The following FBXL17 variants were observed in gnomAD, a reference collection of about 807,000 sequenced individuals.
FBXL17 encodes F-box/LRR-repeat protein 17.
FBXL17 carries 22 observed loss-of-function variants against 66.2 expected under a neutral mutation model. The ratio of observed to expected loss-of-function variants is 0.33; its 90% CI spans 0.24 to 0.47. FBXL17 has a LOEUF of 0.47. Among genes scored for constraint, FBXL17 ranks in the 20% least tolerant of loss-of-function variants. The pLI is 1.00. For synonymous variants in FBXL17, 474 were observed against 400.5 expected, an observed-to-expected ratio of 1.18 and a Z score of -2.19; for missense variants, 878 against 948.2, an observed-to-expected ratio of 0.93 and a Z score of 0.97.
chr5:107,913,743 G>A (rs774090336), intron 7 of FBXL17, among the ~76,000 whole-genome samples: 13 of 152,100 alleles, frequency 8.5e-5, no homozygotes, highest in Non-Finnish European at 1.8e-4. Context: ...TCAACAATAT[G>A]AAAGAGATGC....
intron 4 of FBXL17, among the ~76,000 whole-genome samples, chr5:108,308,079 AC>A (rs1758938838): frequency 6.6e-6 from 1 of 152,094 alleles, no homozygotes; most frequent in African/African-American, 2.4e-5. Flanking sequence ...TAGAAACACG[AC>A]CTTGTCCCCA....
chr5:107,980,811 C>T (rs1206976532), intron 7 of FBXL17, among the ~76,000 whole-genome samples: 1 of 149,522 alleles, frequency 6.7e-6, no homozygotes, highest in Non-Finnish European at 1.5e-5. Context: ...CACCCACCAC[C>T]ACGCCTGGCT....
intron 4 of FBXL17, among the ~76,000 whole-genome samples, chr5:108,272,013 G>A (rs1016170541): frequency 3.3e-5 from 5 of 152,156 alleles, no homozygotes; most frequent in Non-Finnish European, 5.9e-5. Context: ...ACCAACGGCC[G>A]GGTGCAGTGG....
At chr5:107,902,907 T>G (rs965881269) in intron 7 of FBXL17, among the ~76,000 whole-genome samples, 16 of 152,152 alleles carry the variant, frequency 1.1e-4, no homozygotes, top group African/African-American at 3.4e-4. Context: ...GAAATTTTAC[T>G]GTAGTTTGTA....
chr5:108,326,084 T>C (rs1759834415), intron 4 of FBXL17, among the ~76,000 whole-genome samples: 1 of 152,148 alleles, frequency 6.6e-6, no homozygotes, highest in African/African-American at 2.4e-5. Context: ...CAACTGATAC[T>C]ATCAGAAGAT....
chr5:108,058,060 A>AT (rs1372416173), intron 6 of FBXL17, among the ~76,000 whole-genome samples: 1 of 152,224 alleles, frequency 6.6e-6, no homozygotes, highest in Non-Finnish European at 1.5e-5. Context: ...AAGTTACTAG[A>AT]TTCCTAATTC....
chr5:108,260,728 C>A (rs1756779896), intron 4 of FBXL17, among the ~76,000 whole-genome samples: 1 of 152,074 alleles, frequency 6.6e-6, no homozygotes, highest in Non-Finnish European at 1.5e-5. Flanking sequence ...AACTTTAAGC[C>A]AGAGGAGCAG....
chr5:107,914,758 A>G (rs1024879477), intron 7 of FBXL17, among the ~76,000 whole-genome samples: 6 of 152,204 alleles, frequency 3.9e-5, no homozygotes, highest in Admixed American at 6.6e-5. Flanking sequence ...ACCATAAGGA[A>G]AGTCTGCCTG....
At chr5:107,959,973 T>C (rs1751827825) in intron 7 of FBXL17, among the ~76,000 whole-genome samples, 1 of 152,216 alleles carries the variant, frequency 6.6e-6, no homozygotes, top group South Asian at 2.1e-4. Context: ...ATCTACGTAC[T>C]TTCCTTCCCA....
chr5:108,033,645 C>T (rs568652658), intron 6 of FBXL17, among the ~76,000 whole-genome samples: 23 of 152,258 alleles, frequency 1.5e-4, no homozygotes, highest in African/African-American at 4.1e-4. Context: ...GTAGTACACA[C>T]GTAGTAGGTG....
chr5:108,335,255 T>C (rs1196156805), intron 4 of FBXL17, among the ~76,000 whole-genome samples: 1 of 119,896 alleles, frequency 8.3e-6, no homozygotes, highest in Admixed American at 1.1e-4. Flanking sequence ...CAACAATATA[T>C]GGCTCATTAT....
At chr5:107,910,142 G>A (rs1009170486) in intron 7 of FBXL17, among the ~76,000 whole-genome samples, 11 of 149,582 alleles carry the variant, frequency 7.4e-5, no homozygotes, top group African/African-American at 2.7e-4. Flanking sequence ...GTTATCTGGG[G>A]TGGGTAAAGG....
chr5:107,910,116 G>A (rs1042565288), intron 7 of FBXL17, among the ~76,000 whole-genome samples: 1 of 151,776 alleles, frequency 6.6e-6, no homozygotes, highest in Non-Finnish European at 1.5e-5. Context: ...TGTGGGATGG[G>A]GGTTTGGGGA....
chr5:108,287,326 G>C (rs1276646464), intron 4 of FBXL17, among the ~76,000 whole-genome samples: 1 of 151,978 alleles, frequency 6.6e-6, no homozygotes, highest in South Asian at 2.1e-4. Flanking sequence ...AGAGTAAACA[G>C]ACAGTCTACA....
chr5:108,329,819 A>G (rs1760034877), intron 4 of FBXL17, among the ~76,000 whole-genome samples: 1 of 152,156 alleles, frequency 6.6e-6, no homozygotes, highest in Admixed American at 6.5e-5. Context: ...AAAACACAGT[A>G]TACAATATAT....
At chr5:107,991,603 T>C (rs1278558275) in intron 7 of FBXL17, among the ~76,000 whole-genome samples, 1 of 152,242 alleles carries the variant, frequency 6.6e-6, no homozygotes, top group Non-Finnish European at 1.5e-5. Context: ...TGCAAGTTAC[T>C]GTGTTCTTGC....
At chr5:108,313,412 T>C (rs17386875) in intron 4 of FBXL17, among the ~76,000 whole-genome samples, 30,841 of 152,038 alleles carry the variant, frequency 0.2, 3,798 homozygotes, top group Non-Finnish European at 0.27. Flanking sequence ...TAATTTCATC[T>C]CTACCTTCTG....
rs1757886856 is a variant in FBXL17, at chr5:108,286,048, T to G, written c.1507-61820A>C. On this transcript the variant is annotated intron_variant, in intron 4 of 8. Transcript: ENST00000542267. ...GCAACTGAAAACAAAAAACACATGA[T>G]TATCTCAATACATGCAGAAAAGGCT... is the stretch of plus-strand genomic sequence containing the variant. Among the ~76,000 whole-genome samples, 2 of 152,040 alleles carry G rather than the reference T, an allele frequency of 1.3e-5. 1 individual carries two copies. Among genetic ancestry groups the G allele is most frequent in the South Asian group, 4.1e-4 (2 of 4,826 alleles).
At chr5:108,194,856 C>T (rs991659730) in intron 5 of FBXL17, among the ~76,000 whole-genome samples, 20 of 152,120 alleles carry the variant, frequency 1.3e-4, no homozygotes, top group Non-Finnish European at 2.8e-4. Flanking sequence ...TGGAACAGGG[C>T]GAGCCTTCAG....
Sources: allele counts gnomAD v4.1 joint callset (sites outside exome capture counted in the v4.1 genomes callset), GRCh38; gene constraint gnomAD v4.1.1; transcripts MANE v1.5; gene names NCBI Gene and HGNC (gene_info 2026-07-23, HGNC 2026-07-21).